The following LRP4 variants were observed in gnomAD, a reference collection of about 807,000 sequenced individuals.
The protein encoded by LRP4 is low-density lipoprotein receptor-related protein 4.
Under a neutral mutation model 220.3 loss-of-function variants are expected in LRP4, and 95 were observed. The ratio of observed to expected loss-of-function variants is 0.43; its 90% confidence interval spans 0.37 to 0.51. LRP4 has a LOEUF of 0.51. LRP4 is among the 20% of genes least tolerant of loss of function. The pLI is 0.00. For synonymous variants in LRP4, 903 were observed against 954.6 expected, an observed-to-expected ratio of 0.95 and a Z score of 1.00; for missense variants, 1,925 against 2,567.0, an observed-to-expected ratio of 0.75 and a Z score of 5.40.
intron 35 of LRP4, 22 bp downstream of exon 35, chr11:46,865,097 C>T (rs750215807): frequency 1.3e-6 from 2 of 1,554,078 alleles, no homozygotes; most frequent in Non-Finnish European, 1.7e-6. Context: ...TTTTCCGGAA[C>T]AGTGGGGTAC....
At chr11:46,897,710 G>A (rs1223266979) in intron 7 of LRP4, among the ~76,000 whole-genome samples, 1 of 150,026 alleles carries the variant, frequency 6.7e-6, no homozygotes, top group East Asian at 2.0e-4. Context: ...AGATCAACAG[G>A]ATCCCAAGGC....
chr11:46,890,571 CT>C lies in LRP4; in HGVS notation c.1698-78del. 1 of 1,018,408 alleles carries C rather than the reference CT, an allele frequency of 9.8e-7. No homozygotes were observed. The highest frequency in any genetic ancestry group is 1.5e-6 in the Non-Finnish European group (1 of 663,616). 63.1% of individuals were successfully genotyped at this position (1,018,408 alleles called of 1,614,324 possible). On this transcript the variant is annotated intron_variant, in intron 13 of 37. Transcript: ENST00000378623. The surrounding 1 kb of genome is among the most constrained non-coding windows in gnomAD (Gnocchi z 5.3). ...ACCAGGAGAATAATCAGGTAGGGCG[CT>C]TTTATCCATTTAACTCAGGGGACTC...
Position 46,889,922 on chromosome 11 carries a change from CACCCGGTGGGCAGTTTTTT to C in LRP4, c.2092+3_2092+21del, listed in dbSNP as rs1451975988. ...CCTCAACCATGAGGCTACTTTGGCT[CACCCGGTGGGCAGTTTTTT>C]ACCTGCAGGTTGGCGCTGGGGGTGC... On this transcript the variant is annotated splice_donor_5th_base_variant and intron_variant, in intron 15 of 37. Transcript: ENST00000378623. 1 of 1,614,150 alleles carries C rather than the reference CACCCGGTGGGCAGTTTTTT, an allele frequency of 6.2e-7. No homozygotes were observed. The highest frequency in any genetic ancestry group is 1.1e-5 in the South Asian group (1 of 91,080).
At chr11:46,907,447 A>C (rs1941780824) in intron 1 of LRP4, among the ~76,000 whole-genome samples, 1 of 152,236 alleles carries the variant, frequency 6.6e-6, no homozygotes, top group Non-Finnish European at 1.5e-5. Context: ...ATATAAAGCA[A>C]GCTTGTCCAA....
At chr11:46,871,062 C>T (rs1418088662) in intron 31 of LRP4, among the ~76,000 whole-genome samples, 2 of 152,192 alleles carry the variant, frequency 1.3e-5, no homozygotes, top group Admixed American at 1.3e-4. Context: ...TAAATACTTA[C>T]AAACTGGCTA....
chr11:46,872,981 A>T, intron 30 of LRP4, 119 bp downstream of exon 30: 13 of 1,316,670 alleles, frequency 9.9e-6, no homozygotes, highest in African/African-American at 1.4e-5. Flanking sequence ...CTTCTCAATG[A>T]TTCCTCTTCC....
rs761925202 is a variant in LRP4 at position 46,876,547 on chromosome 11, T to A, written c.3455A>T (p.Asn1152Ile). The A allele has an allele frequency of 2.1e-5, 34 of 1,614,108 alleles. No homozygotes were observed. The highest frequency in any genetic ancestry group is 2.7e-5 in the Non-Finnish European group (32 of 1,180,052). Reference sequence around the variant, plus strand: ...CACTTTCCGCATGGACCCGTCCAGGTTGCCCACTTCAATCCGGTTTGTTCC... The same window carrying A: ...CACTTTCCGCATGGACCCGTCCAGGATGCCCACTTCAATCCGGTTTGTTCC... ...DTGTNRIEVG[N>I]LDGSMRKVLV... The change falls in exon 25 of 38, where the codon AAC becomes ATC. Residue 1152 changes from asparagine to isoleucine, a missense_variant. Asn to Ile is a moderately radical substitution (Grantham distance 149). Around this residue, in one of 3 missense-constraint regions of LRP4, gnomAD observed 1,244 missense variants for 1,624.9 expected, o/e 0.77. Transcript: ENST00000378623.
chr11:46,871,671 T>C, intron 30 of LRP4, 38 bp from the exon 31 acceptor site: 2 of 1,375,844 alleles, frequency 1.5e-6, no homozygotes, highest in Non-Finnish European at 2.0e-6. Context: ...CTCCAAACGC[T>C]TGCCAGGGAG....
At chr11:46,902,126 G>A (rs1026082620) in intron 2 of LRP4, among the ~76,000 whole-genome samples, 2 of 151,844 alleles carry the variant, frequency 1.3e-5, no homozygotes, top group African/African-American at 4.8e-5. Flanking sequence ...GGGAGGCTGA[G>A]GTGGCTGGAT....
chr11:46,877,306 A>C lies in LRP4; in HGVS notation c.3170T>G (p.Ile1057Arg). 6.2e-7 allele frequency: 1 copy of C among 1,614,110 alleles called. No individual in the cohort carries two copies. Among genetic ancestry groups the C allele is most frequent in the Non-Finnish European group, 8.5e-7 (1 of 1,180,010 alleles). ...GTCCAGGGAGACCATGCGAATGTCT[A>C]TCCTCCTGGCGAAGATGAGGAAACT... ...MNSFLIFARR[I>R]DIRMVSLDIP... The change falls in exon 23 of 38, where the codon ATA becomes AGA. Residue 1057 changes from isoleucine to arginine, a missense_variant. Around this residue, in one of 3 missense-constraint regions of LRP4, gnomAD observed 1,244 missense variants for 1,624.9 expected, o/e 0.77. Transcript: ENST00000378623.
At chr11:46,907,751 C>G (rs899790818) in intron 1 of LRP4, among the ~76,000 whole-genome samples, 25 of 152,270 alleles carry the variant, frequency 1.6e-4, no homozygotes, top group African/African-American at 6.0e-4. Context: ...GATGAAGGTT[C>G]AAATCTTGGT....
chr11:46,900,417 G>T, intron 2 of LRP4, 39 bp from the exon 3 acceptor site: 1 of 1,282,558 alleles, frequency 7.8e-7, no homozygotes, highest in Non-Finnish European at 1.1e-6. Context: ...CAATCAACCT[G>T]GTATTCTTAC....
In LRP4 at chr11:46,894,664, G is replaced by A. The variant is rs760016168; in HGVS notation, c.1465C>T (p.Leu489=). The part of the protein sequence containing the change: ...RELVFWSDVT[L]DRILRANLNG... Reference sequence around the variant, plus strand: ...AGGTTGGCACGGAGGATCCGGTCCAGGGTGACATCTGACCAGAAGACAAGC... The same window carrying A: ...AGGTTGGCACGGAGGATCCGGTCCAAGGTGACATCTGACCAGAAGACAAGC... Residue 489 remains leucine (L), a synonymous_variant, in exon 12 of 38, where the codon CTG becomes TTG. Coordinates refer to ENST00000378623, the MANE Select transcript of LRP4 (RefSeq NM_002334.4). 1 of 1,614,216 alleles carries A rather than the reference G, an allele frequency of 6.2e-7. No homozygotes were observed. Among genetic ancestry groups the A allele is most frequent in the South Asian group, 1.1e-5 (1 of 91,080 alleles).
At chr11:46,865,483 A>C (rs775369461) in intron 34 of LRP4, among the ~76,000 whole-genome samples, 2 of 152,228 alleles carry the variant, frequency 1.3e-5, no homozygotes, top group Non-Finnish European at 2.9e-5. Flanking sequence ...TAAGGACATC[A>C]ATATTAGGCT....
Position 46,890,421 on chromosome 11 carries a change from T to C in LRP4, c.1771A>G (p.Ile591Val), listed in dbSNP as rs772341020. 3.1e-6 allele frequency: 5 copies of C among 1,613,976 alleles called. No homozygotes were observed. Among genetic ancestry groups the C allele is most frequent in the Non-Finnish European group, 3.4e-6 (4 of 1,180,026 alleles). ...CAGAAGAGATGGGTATCGGCAATGA[T>C]GCGGCGTCCAGAGCCATCCATGCTG... Reference protein sequence around the residue: ...ASSMDGSGRRIIADTHLFWPN... With the variant: ...ASSMDGSGRRVIADTHLFWPN... Residue 591 changes from isoleucine (I) to valine (V), a missense_variant, in exon 14 of 38, where the codon ATC (isoleucine) becomes GTC (valine). Transcript: ENST00000378623. The surrounding 1 kb of genome is among the most constrained non-coding windows in gnomAD (Gnocchi z 5.3).
At chr11:46,903,114 C>A (rs12806687) in intron 1 of LRP4, among the ~76,000 whole-genome samples, 185 bp from the exon 2 acceptor site, 5 of 152,122 alleles carry the variant, frequency 3.3e-5, no homozygotes, top group Admixed American at 6.5e-5. Context: ...AGCAGATACC[C>A]TCTGACTTTG....
chr11:46,860,946 T>A (rs1940528794), intron 37 of LRP4: 1 of 984,788 alleles, frequency 1.0e-6, no homozygotes, highest in Non-Finnish European at 1.2e-6. Flanking sequence ...CAAGAGGAAA[T>A]CAGAAGAGAA....
intron 20 of LRP4, 144 bp from the exon 21 acceptor site, chr11:46,879,459 T>C (rs769953661): frequency 9.3e-5 from 72 of 775,292 alleles, no homozygotes; most frequent in Non-Finnish European, 1.5e-4. Context: ...ATAAAATCTC[T>C]CTGAGCCTTG....
At chr11:46,862,980 C>T in intron 36 of LRP4, 1 of 545,578 alleles carries the variant, frequency 1.8e-6, no homozygotes, top group Non-Finnish European at 3.3e-6. Flanking sequence ...TACCAAGAAA[C>T]TGGTTCTGGT....
Sources: allele counts gnomAD v4.1 joint callset (sites outside exome capture counted in the v4.1 genomes callset), GRCh38; gene constraint gnomAD v4.1.1; regional missense constraint gnomAD v4.1.1; non-coding constraint Gnocchi (gnomAD v3.1); transcripts MANE v1.5; gene names NCBI Gene and HGNC (gene_info 2026-07-23, HGNC 2026-07-21).